Variants in LYRM4 observed in about 807,000 individuals in gnomAD.
LYRM4 encodes the protein LYR motif-containing protein 4.
Under a neutral mutation model 11.7 loss-of-function variants are expected in LYRM4, and 9 were observed. The observed-to-expected ratio is 0.77, with a 90% CI of 0.46 to 1.34. The LOEUF is 1.34. Among genes scored for constraint, LYRM4 ranks in the 40% most tolerant of loss-of-function variants. The probability of loss-of-function intolerance (pLI) is 0.00; values close to 1 mark genes in which losing one functional copy is unlikely to be tolerated. For missense variants in LYRM4, 133 were observed against 112.5 expected (o/e 1.18, Z -0.82); for synonymous variants, 42 against 40.4 (o/e 1.04, Z -0.15).
chr6:5,075,252 G>A, the LYRM4 span, among the ~76,000 whole-genome samples: 16 of 152,182 alleles, frequency 1.1e-4, no homozygotes, highest in African/African-American at 3.9e-4. Context: ...CCTAACACAA[G>A]CACTTTGCTC....
At chr6:5,120,179 G>A (rs1215030471) in intron 2 of LYRM4, among the ~76,000 whole-genome samples, 1 of 152,198 alleles carries the variant, frequency 6.6e-6, no homozygotes, top group East Asian at 1.9e-4. Flanking sequence ...ATAGGCATGA[G>A]GCACGGTGCC....
At chr6:5,070,550 A>C in the LYRM4 span, among the ~76,000 whole-genome samples, 1 of 152,168 alleles carries the variant, frequency 6.6e-6, no homozygotes, top group African/African-American at 2.4e-5. Flanking sequence ...ATAAGGAAAA[A>C]ATATATTTAT....
chr6:5,111,848 C>A (rs1762896526), intron 2 of LYRM4, among the ~76,000 whole-genome samples: 1 of 152,216 alleles, frequency 6.6e-6, no homozygotes, highest in Non-Finnish European at 1.5e-5. Context: ...CAGTTCCTTG[C>A]CTGTGGGATG....
intron 1 of LYRM4, 64 bp downstream of exon 1, chr6:5,260,584 G>T: frequency 7.6e-7 from 1 of 1,309,510 alleles, no homozygotes. Context: ...TTCCGCGTCA[G>T]CCCGCACCCC....
intron 2 of LYRM4, chr6:5,187,089 G>T: frequency 1.1e-6 from 1 of 917,160 alleles, no homozygotes; most frequent in Middle Eastern, 5.4e-4. Context: ...ATAGAATGGT[G>T]AATGAATAAT....
chr6:5,093,344 T>A, the LYRM4 span, among the ~76,000 whole-genome samples: 1 of 152,278 alleles, frequency 6.6e-6, no homozygotes, highest in Non-Finnish European at 1.5e-5. Context: ...GGGCTGTCCC[T>A]GCCTGGCATG....
intron 1 of LYRM4, among the ~76,000 whole-genome samples, chr6:5,225,957 C>T (rs529853582): frequency 6.6e-6 from 1 of 151,560 alleles, no homozygotes; most frequent in African/African-American, 2.4e-5. Flanking sequence ...ACCACATTGT[C>T]CCAGGTCTAT....
chr6:5,234,227 TTTAAA>T (rs1763406209), intron 1 of LYRM4, among the ~76,000 whole-genome samples: 1 of 152,230 alleles, frequency 6.6e-6, no homozygotes, highest in Non-Finnish European at 1.5e-5. Context: ...TTCACTATTA[TTTAAA>T]TTATTTATTC....
intron 1 of LYRM4, among the ~76,000 whole-genome samples, chr6:5,228,327 A>C (rs1464984067): frequency 6.6e-6 from 1 of 152,000 alleles, no homozygotes; most frequent in Non-Finnish European, 1.5e-5. Context: ...TCCAGGCTGC[A>C]GTGCAGTAAT....
At chr6:5,120,240 G>A (rs1221735142) in intron 2 of LYRM4, among the ~76,000 whole-genome samples, 2 of 152,098 alleles carry the variant, frequency 1.3e-5, no homozygotes, top group Non-Finnish European at 2.9e-5. Flanking sequence ...CAAAGTCGTG[G>A]GCAGCTAGCA....
intron 2 of LYRM4, among the ~76,000 whole-genome samples, chr6:5,187,256 T>A (rs1368727148): frequency 2.0e-5 from 3 of 152,180 alleles, no homozygotes; most frequent in Admixed American, 6.5e-5. Flanking sequence ...GCTGGGACAG[T>A]AAGTCGTTCA....
intron 2 of LYRM4, among the ~76,000 whole-genome samples, chr6:5,211,276 G>A (rs1761974412): frequency 6.6e-6 from 1 of 151,994 alleles, no homozygotes; most frequent in South Asian, 2.1e-4. Flanking sequence ...AATGAGAGAG[G>A]GCCTGGTCAT....
At chr6:5,247,284 G>A (rs1228460977) in intron 1 of LYRM4, among the ~76,000 whole-genome samples, 1 of 152,188 alleles carries the variant, frequency 6.6e-6, no homozygotes, top group Non-Finnish European at 1.5e-5. Context: ...GTCTGAGGAG[G>A]AGAGAAACAG....
At chr6:5,252,532 C>T (rs1764482471) in intron 1 of LYRM4, among the ~76,000 whole-genome samples, 1 of 152,216 alleles carries the variant, frequency 6.6e-6, no homozygotes, top group Non-Finnish European at 1.5e-5. Flanking sequence ...GAATGCTCTT[C>T]CATCGCATGT....
At chr6:5,036,643 C>T in the LYRM4 span, among the ~76,000 whole-genome samples, 3 of 152,164 alleles carry the variant, frequency 2.0e-5, no homozygotes, top group East Asian at 1.9e-4. Context: ...AATTCAAATC[C>T]CTCTGCAAAG....
At chr6:5,034,448 G>A in the LYRM4 span, 1 of 152,412 alleles carries the variant, frequency 6.6e-6, no homozygotes, top group East Asian at 1.9e-4. Context: ...TTTGGGTTAT[G>A]GAATCTGGTC....
intron 2 of LYRM4, among the ~76,000 whole-genome samples, chr6:5,125,272 C>T (rs530094403): frequency 2.6e-4 from 40 of 152,294 alleles, no homozygotes; most frequent in Non-Finnish European, 4.6e-4. Context: ...ATCCTCATTC[C>T]CTGGCTGGGT....
At chr6:5,232,378 G>A (rs1344851738) in intron 1 of LYRM4, among the ~76,000 whole-genome samples, 2 of 152,218 alleles carry the variant, frequency 1.3e-5, no homozygotes, top group African/African-American at 4.8e-5. Flanking sequence ...CAAAGGTGGT[G>A]CCAATTTCTG....
At chr6:5,087,727 G>A in the LYRM4 span, 1 of 152,442 alleles carries the variant, frequency 6.6e-6, no homozygotes, top group Non-Finnish European at 1.5e-5. Context: ...AGACGCAGAT[G>A]GCCACCTCTG....
Sources: allele counts gnomAD v4.1 joint callset (sites outside exome capture counted in the v4.1 genomes callset), GRCh38; gene constraint gnomAD v4.1.1; transcripts MANE v1.5; gene names NCBI Gene and HGNC (gene_info 2026-07-23, HGNC 2026-07-21).